The following GLI3 variants were observed in gnomAD, a reference collection of about 807,000 sequenced individuals.
GLI3 encodes the protein transcription activator GLI3.
Under a neutral mutation model 100.8 loss-of-function variants are expected in GLI3, and 20 were observed. The observed-to-expected ratio is 0.20, with a 90% CI of 0.14 to 0.29. The LOEUF (loss-of-function observed/expected upper bound fraction) is 0.29. Ranked by LOEUF, GLI3 falls within the 10% of genes least tolerant of loss-of-function variation. The probability of loss-of-function intolerance (pLI) is 1.00; values close to 1 mark genes in which losing one functional copy is unlikely to be tolerated. For missense variants in GLI3, 2,040 were observed against 2,128.5 expected (o/e 0.96, Z 0.82); for synonymous variants, 938 against 860.5 (o/e 1.09, Z -1.58).
intron 1 of GLI3, among the ~76,000 whole-genome samples, chr7:42,232,035 T>A (rs1788704812): frequency 6.6e-6 from 1 of 152,110 alleles, no homozygotes. Flanking sequence ...ACTTAATTAA[T>A]TTAATTTTGT....
chr7:42,135,188 C>A (rs1334138553), intron 3 of GLI3, among the ~76,000 whole-genome samples: 1 of 152,126 alleles, frequency 6.6e-6, no homozygotes, highest in Non-Finnish European at 1.5e-5. Flanking sequence ...AAGGTCATGT[C>A]TTTTATTCTA....
chr7:42,181,279 G>A (rs1416208745), intron 2 of GLI3, among the ~76,000 whole-genome samples: 1 of 152,162 alleles, frequency 6.6e-6, no homozygotes, highest in African/African-American at 2.4e-5. Context: ...AGACAGCAAT[G>A]GGTAACATGA....
chr7:42,202,362 A>T (rs1245978423), intron 2 of GLI3, among the ~76,000 whole-genome samples: 7 of 151,010 alleles, frequency 4.6e-5, no homozygotes, highest in East Asian at 3.9e-4. Flanking sequence ...ACACACACAC[A>T]CACACACACA....
At chr7:42,133,511 G>C (rs1051347567) in intron 3 of GLI3, among the ~76,000 whole-genome samples, 3 of 152,066 alleles carry the variant, frequency 2.0e-5, no homozygotes, top group Non-Finnish European at 4.4e-5. Context: ...CAGAACAGGA[G>C]GGCTGACACT....
intron 2 of GLI3, among the ~76,000 whole-genome samples, chr7:42,179,167 G>A (rs1787541120): frequency 6.6e-6 from 1 of 152,032 alleles, no homozygotes; most frequent in African/African-American, 2.4e-5. Flanking sequence ...TTTTAAGAGG[G>A]GAGTTTCCCT....
At chr7:42,198,387 C>A (rs2128691492) in intron 2 of GLI3, among the ~76,000 whole-genome samples, 1 of 152,248 alleles carries the variant, frequency 6.6e-6, no homozygotes, top group African/African-American at 2.4e-5. Context: ...GAGAAGGATC[C>A]AGGAGCACAA....
intron 2 of GLI3, among the ~76,000 whole-genome samples, chr7:42,155,416 A>G (rs374751345): frequency 1.3e-5 from 2 of 150,638 alleles, no homozygotes; most frequent in South Asian, 4.2e-4. Context: ...TCCAGCCTGG[A>G]CAACAAGAGT....
Position 42,176,293 on chromosome 7 carries a change from C to T in GLI3, c.125-27825G>A, listed in dbSNP as rs187672961. Among the ~76,000 whole-genome samples the T allele has an allele frequency of 3.8e-3, 575 of 152,072 alleles. 3 individuals are homozygous for T. The highest frequency in any genetic ancestry group is 0.013 in the African/African-American group (555 of 41,406). ...TTCCAAGCAGAGGTACAGAGAATGC[C>T]CCCTCCACAGTTCTGTACAGGACTT... On this transcript the variant is annotated intron_variant, in intron 2 of 14. Transcript: ENST00000395925.
At chr7:42,014,511 T>G (rs1393052779) in intron 10 of GLI3, among the ~76,000 whole-genome samples, 1 of 152,230 alleles carries the variant, frequency 6.6e-6, no homozygotes, top group African/African-American at 2.4e-5. Context: ...CCCTTTAACT[T>G]CTTCCTGCTG....
At chr7:42,131,798 C>G (rs770505861) in intron 3 of GLI3, among the ~76,000 whole-genome samples, 10 of 151,998 alleles carry the variant, frequency 6.6e-5, no homozygotes, top group Admixed American at 1.3e-4. Context: ...TATAAAAGCA[C>G]CCAATATACA....
chr7:42,213,353 G>A (rs918475161), intron 2 of GLI3, among the ~76,000 whole-genome samples: 3 of 152,084 alleles, frequency 2.0e-5, no homozygotes, highest in Non-Finnish European at 4.4e-5. Context: ...TGGTCACTTC[G>A]GGAATGAAAA....
intron 2 of GLI3, among the ~76,000 whole-genome samples, chr7:42,162,568 C>T (rs975733901): frequency 4.6e-5 from 7 of 152,256 alleles, no homozygotes; most frequent in South Asian, 4.2e-4. Flanking sequence ...GCCAGTTCTA[C>T]GAAAGTTCCC....
chr7:42,262,225 T>TTTCCTTCCTTCCTTCCTTCTTTCC (rs1789151722), intron 1 of GLI3, among the ~76,000 whole-genome samples: 1 of 118,700 alleles, frequency 8.4e-6, no homozygotes, highest in Non-Finnish European at 1.7e-5. Context: ...TCCTTCCTTC[T>TTTCCTTCCTTCCTTCCTTCTTTCC]TTCCTTCCTT....
At chr7:42,053,884 C>A (rs558459949) in intron 4 of GLI3, among the ~76,000 whole-genome samples, 2 of 152,350 alleles carry the variant, frequency 1.3e-5, no homozygotes, top group South Asian at 2.1e-4. Flanking sequence ...AAACTGCTGT[C>A]TGGGCACCAG....
At position 41,965,269 on chromosome 7, in the gene GLI3, G is replaced by C. The variant is rs373193430; in HGVS notation, c.3804C>G (p.Leu1268=). Residue 1268 remains leucine, a synonymous_variant, in exon 15 of 15, where the codon CTC becomes CTG. Coordinates refer to ENST00000395925, the MANE Select transcript of GLI3 (RefSeq NM_000168.6). ...LNRQPVAPGA[L]DGACGAGIQA... ...GAATCCCGGCACCACAGGCACCGTC[G>C]AGTGCACCAGGGGCCACTGGCTGCC... The C allele has an allele frequency of 1.2e-6, 2 of 1,613,488 alleles. No homozygotes were observed. The highest frequency in any genetic ancestry group is 1.7e-6 in the Non-Finnish European group (2 of 1,179,670).
chr7:42,083,021 A>G (rs181318066), intron 3 of GLI3, among the ~76,000 whole-genome samples: 1 of 152,366 alleles, frequency 6.6e-6, no homozygotes, highest in East Asian at 1.9e-4. Context: ...CATCACCTCA[A>G]GCATTTATTA....
chr7:42,041,355 T>A (rs1439260148), intron 6 of GLI3, among the ~76,000 whole-genome samples: 1 of 152,194 alleles, frequency 6.6e-6, no homozygotes, highest in Non-Finnish European at 1.5e-5. Flanking sequence ...CAATTTGCAT[T>A]CAAATTTGGT....
intron 2 of GLI3, among the ~76,000 whole-genome samples, chr7:42,180,055 T>C (rs1787562059): frequency 6.6e-6 from 1 of 152,070 alleles, no homozygotes; most frequent in South Asian, 2.1e-4. Context: ...AAGGAATAAG[T>C]ACAGAGGGAG....
intron 3 of GLI3, among the ~76,000 whole-genome samples, chr7:42,079,129 T>A (rs1475663846): frequency 1.3e-5 from 2 of 152,212 alleles, no homozygotes; most frequent in Non-Finnish European, 2.9e-5. Flanking sequence ...TAGGTATTAT[T>A]ATTTGTAATG....
Sources: allele counts gnomAD v4.1 joint callset (sites outside exome capture counted in the v4.1 genomes callset), GRCh38; gene constraint gnomAD v4.1.1; transcripts MANE v1.5; gene names NCBI Gene and HGNC (gene_info 2026-07-23, HGNC 2026-07-21).